Variants in AKR1D1 observed in about 807,000 individuals in gnomAD.
AKR1D1 encodes aldo-keto reductase family 1 member D1, also known as delta(4)-3-ketosteroid 5-beta-reductase.
In AKR1D1, 32 loss-of-function variants were observed where a neutral mutation model predicts 42.6. That is an observed-to-expected ratio of 0.75 (90% CI 0.57 to 1.01). AKR1D1 has a LOEUF of 1.01. Ranked by LOEUF, AKR1D1 falls within the 50% of genes least tolerant of loss-of-function variation. AKR1D1 has a pLI of 0.00. For synonymous variants in AKR1D1, 123 were observed against 135.5 expected, an observed-to-expected ratio of 0.91 and a Z score of 0.64; for missense variants, 364 against 402.2, an observed-to-expected ratio of 0.91 and a Z score of 0.81.
At chr7:138,098,606 T>C (rs552600852) in intron 4 of AKR1D1, among the ~76,000 whole-genome samples, 1 of 152,200 alleles carries the variant, frequency 6.6e-6, no homozygotes, top group East Asian at 1.9e-4. Context: ...CAAGATGCCG[T>C]CTCAAAAACA....
intron 1 of AKR1D1, among the ~76,000 whole-genome samples, chr7:138,088,180 C>G (rs973970557): frequency 3.3e-5 from 5 of 152,138 alleles, no homozygotes; most frequent in African/African-American, 1.2e-4. Context: ...TGTGAGCCAC[C>G]ACACCAGGCC....
intron 4 of AKR1D1, among the ~76,000 whole-genome samples, chr7:138,102,453 C>G (rs1233998151): frequency 6.6e-6 from 1 of 151,968 alleles, no homozygotes; most frequent in Non-Finnish European, 1.5e-5. Flanking sequence ...GCCTGTGGTC[C>G]CAGCTACTCA....
At position 138,083,631 on chromosome 7, in the gene AKR1D1, CT is replaced by C. The variant is rs370380060; in HGVS notation, c.94-4966del. On this transcript the variant is annotated intron_variant, in intron 1 of 8. Transcript: ENST00000242375. ...CCTATTTTTGCTTTTGTTTCTTATG[CT>C]TTTGGTGTCATATCCAAGAAATCAT... is the stretch of plus-strand genomic sequence containing the variant. 4.2e-3 allele frequency among the ~76,000 whole-genome samples: 644 copies of C among 152,160 alleles called. 5 individuals are homozygous for C. Among genetic ancestry groups the C allele is most frequent in the African/African-American group, 0.015 (608 of 41,524 alleles).
chr7:138,098,085 G>A (rs1324219069), intron 4 of AKR1D1, 142 bp downstream of exon 4: 1 of 714,680 alleles, frequency 1.4e-6, no homozygotes. Context: ...CTAACCATAA[G>A]TACAGGTATA....
intron 3 of AKR1D1, among the ~76,000 whole-genome samples, chr7:138,097,562 G>T (rs1366148451): frequency 6.6e-6 from 1 of 152,214 alleles, no homozygotes; most frequent in Admixed American, 6.5e-5. Context: ...AAATTCCTGG[G>T]CACATCTAAT....
intron 5 of AKR1D1, 119 bp from the exon 6 acceptor site, chr7:138,106,489 A>T: frequency 1.3e-6 from 1 of 757,320 alleles, no homozygotes; most frequent in African/African-American, 1.7e-5. Context: ...AAATGTATAT[A>T]GTATGAAGGA....
intron 1 of AKR1D1, among the ~76,000 whole-genome samples, chr7:138,085,446 C>CA (rs1803152910): frequency 7.7e-6 from 1 of 129,802 alleles, no homozygotes; most frequent in Admixed American, 8.2e-5. Flanking sequence ...CTTTTCTTTC[C>CA]TTTTTTTTTT....
At chr7:138,100,111 A>AAAAAAAC (rs1794264565) in intron 4 of AKR1D1, among the ~76,000 whole-genome samples, 1 of 127,600 alleles carries the variant, frequency 7.8e-6, no homozygotes, top group African/African-American at 3.0e-5. Context: ...AAAAAAAAAA[A>AAAAAAAC]AAAAAAACAT....
At chr7:138,094,080 C>T (rs895871262) in intron 3 of AKR1D1, among the ~76,000 whole-genome samples, 1 of 152,038 alleles carries the variant, frequency 6.6e-6, no homozygotes, top group African/African-American at 2.4e-5. Context: ...TTGATGGGTT[C>T]AAAGGCACAA....
intron 4 of AKR1D1, among the ~76,000 whole-genome samples, chr7:138,099,556 A>G (rs1794249539): frequency 6.6e-6 from 1 of 152,178 alleles, no homozygotes; most frequent in Non-Finnish European, 1.5e-5. Context: ...TCAAATTGAG[A>G]TATCAGAATG....
chr7:138,097,394 T>C (rs1457727796), intron 3 of AKR1D1, among the ~76,000 whole-genome samples: 1 of 152,212 alleles, frequency 6.6e-6, no homozygotes, highest in Non-Finnish European at 1.5e-5. Flanking sequence ...GAGGTAGAAA[T>C]CAGAGTCCTA....
intron 5 of AKR1D1, among the ~76,000 whole-genome samples, chr7:138,105,903 A>G (rs1794415440): frequency 7.6e-6 from 1 of 131,326 alleles, no homozygotes; most frequent in African/African-American, 3.0e-5. Flanking sequence ...AACAACAACA[A>G]AAAAAAATCT....
chr7:138,109,789 ACACATTTTG>A (rs1794502661), intron 7 of AKR1D1, among the ~76,000 whole-genome samples: 1 of 152,222 alleles, frequency 6.6e-6, no homozygotes, highest in Admixed American at 6.5e-5. Flanking sequence ...GAAGATTAAA[ACACATTTTG>A]ATGGACTTTT....
At chr7:138,091,649 G>C in intron 2 of AKR1D1, 119 bp from the exon 3 acceptor site, 1 of 736,314 alleles carries the variant, frequency 1.4e-6, no homozygotes, top group Non-Finnish European at 2.4e-6. Context: ...GGGCAACATA[G>C]TGAGACCCCC....
intron 1 of AKR1D1, among the ~76,000 whole-genome samples, chr7:138,079,548 A>G (rs1333880536): frequency 3.9e-5 from 6 of 152,234 alleles, no homozygotes; most frequent in Non-Finnish European, 8.8e-5. Context: ...GCCAATCATC[A>G]TGAATAATAA....
At chr7:138,116,577 A>C (rs768526432) in intron 8 of AKR1D1, 43 bp from the exon 9 acceptor site, 1 of 1,613,386 alleles carries the variant, frequency 6.2e-7, no homozygotes, top group South Asian at 1.1e-5. Flanking sequence ...CAGCTGTGCA[A>C]TTTTTGAGTG....
chr7:138,097,020 T>C (rs1308257104), intron 3 of AKR1D1, among the ~76,000 whole-genome samples: 2 of 152,138 alleles, frequency 1.3e-5, no homozygotes, highest in South Asian at 2.1e-4. Context: ...TCCAAAATGA[T>C]ATTCTGGATT....
In AKR1D1 at chr7:138,113,672, T is replaced by C. The variant is rs529014981; in HGVS notation, c.856-18T>C. The C allele has an allele frequency of 3.1e-6, 5 of 1,610,650 alleles. No homozygotes were observed. Among genetic ancestry groups the C allele is most frequent in the Non-Finnish European group, 3.4e-6 (4 of 1,177,028 alleles). On this transcript the variant is annotated intron_variant, in intron 7 of 8. Transcript: ENST00000242375. ...AAGCTTGACCTTCAAAAATGTTCTA[T>C]TATTTCCGTTATTTCAGATCTTTGA...
At chr7:138,104,109 G>A (rs147881460) in intron 4 of AKR1D1, among the ~76,000 whole-genome samples, 2,822 of 152,204 alleles carry the variant, frequency 0.019, 94 homozygotes, top group African/African-American at 0.064. Context: ...CAGCACTCCA[G>A]CCTGGGTGAC....
Sources: gnomAD v4.1 joint callset for allele counts (sites outside exome capture counted in the v4.1 genomes callset) on GRCh38, gnomAD v4.1.1 for gene constraint, MANE v1.5 for transcripts, NCBI Gene and HGNC (gene_info 2026-07-23, HGNC 2026-07-21) for gene names.